Variants in MEIS1 observed in about 807,000 individuals in gnomAD.
The protein encoded by MEIS1 is homeobox protein Meis1.
A neutral mutation model predicts 50.8 loss-of-function variants in MEIS1; 5 were observed. That is an observed-to-expected ratio of 0.10 (90% confidence interval 0.05 to 0.21). The LOEUF (loss-of-function observed/expected upper bound fraction) is 0.21. Among genes scored for constraint, MEIS1 ranks in the 10% least tolerant of loss-of-function variants. The probability of loss-of-function intolerance (pLI) is 1.00; values close to 1 mark genes in which losing one functional copy is unlikely to be tolerated. For missense variants in MEIS1, 318 were observed against 517.3 expected (o/e 0.61, Z 3.74); for synonymous variants, 176 against 179.3 (o/e 0.98, Z 0.15).
intron 7 of MEIS1, among the ~76,000 whole-genome samples, chr2:66,490,000 G>A (rs1179220410): frequency 6.6e-6 from 1 of 152,168 alleles, no homozygotes; most frequent in African/African-American, 2.4e-5. Context: ...AGTTTGGATT[G>A]CATAAAACTG....
chr2:66,520,894 A>G (rs1478731404), intron 8 of MEIS1, among the ~76,000 whole-genome samples: 1 of 152,190 alleles, frequency 6.6e-6, no homozygotes, highest in Non-Finnish European at 1.5e-5. Context: ...TCTGCTTTCC[A>G]CCACGCTGCC....
intron 6 of MEIS1, among the ~76,000 whole-genome samples, chr2:66,461,184 A>C (rs1672510368): frequency 6.6e-6 from 1 of 152,212 alleles, no homozygotes; most frequent in Non-Finnish European, 1.5e-5. Flanking sequence ...ACAGATATGT[A>C]TGCATAATCA....
chr2:66,542,174 A>G (rs1674670675), intron 8 of MEIS1, among the ~76,000 whole-genome samples: 1 of 152,206 alleles, frequency 6.6e-6, no homozygotes, highest in South Asian at 2.1e-4. Context: ...GAGGTCAAAT[A>G]TATAGCTGGT....
rs73937909 is a variant in MEIS1, at chr2:66,436,009, A to T, written c.12+141A>T. On this transcript the variant is annotated intron_variant, in intron 1 of 12. Transcript: ENST00000272369. ...CTAAAGCCGTGGCCTAAGCGAGAGGATTTATTCAATGCATTTGTAGACTTA... is the reference window on the plus strand; with the variant it reads ...CTAAAGCCGTGGCCTAAGCGAGAGGTTTTATTCAATGCATTTGTAGACTTA... 5.6e-3 allele frequency: 3,447 copies of T among 619,964 alleles called. 98 individuals carry two copies. The African/African-American group carries it at 0.059, about 11-fold the overall frequency. 38.4% of individuals were successfully genotyped at this position (619,964 alleles called of 1,614,324 possible).
In MEIS1 at chr2:66,439,709, AG is replaced by A; in HGVS notation, c.240-132del. The A allele has an allele frequency of 1.9e-6, 3 of 1,553,488 alleles. No homozygotes were observed. The South Asian group carries it at 3.5e-5, about 18-fold the overall frequency. On this transcript the variant is annotated intron_variant, in intron 2 of 12. Coordinates refer to ENST00000272369, the MANE Select transcript of MEIS1 (RefSeq NM_002398.3). ...CTGGGTCTGGGGGAGGGGGAGGAAA[AG>A]GAAAAAAGTAGATGACACAATCGGA...
chr2:66,539,734 T>G (rs553764514), intron 8 of MEIS1, among the ~76,000 whole-genome samples: 3 of 152,326 alleles, frequency 2.0e-5, no homozygotes, highest in African/African-American at 7.2e-5. Flanking sequence ...TTATTAATAC[T>G]GCTAAGCTAC....
At position 66,473,378 on chromosome 2, in the gene MEIS1, C is replaced by CAAAAAAAAAA. The variant is rs71409174; in HGVS notation, c.742+9169_742+9178dup. 3.8e-3 allele frequency among the ~76,000 whole-genome samples: 203 copies of CAAAAAAAAAA among 53,916 alleles called. 10 individuals carry two copies. Among genetic ancestry groups the CAAAAAAAAAA allele is most frequent in the African/African-American group, 0.027 (185 of 6,806 alleles). The allele number at this position is 53,916 out of a possible 152,430, so 35.4% of individuals were successfully genotyped here. A position where few individuals can be genotyped will look rare whatever the true frequency, so the allele number is the denominator to read the frequency against. Reference sequence around the variant, plus strand: ...GGGTAACAAGAGTGAGACTCCATGTCAAAAAAAAAAAAAAAAAAAATATAT... The same window carrying CAAAAAAAAAA: ...GGGTAACAAGAGTGAGACTCCATGTCAAAAAAAAAAAAAAAAAAAAAAAAAAAAAATATAT... On this transcript the variant is annotated intron_variant, in intron 7 of 12. Transcript: ENST00000272369.
At chr2:66,480,138 G>C (rs1256345703) in intron 7 of MEIS1, among the ~76,000 whole-genome samples, 2 of 152,096 alleles carry the variant, frequency 1.3e-5, no homozygotes, top group East Asian at 1.9e-4. Flanking sequence ...TAGAAATAAG[G>C]GTCTATATAA....
At chr2:66,488,290 T>A (rs1458512187) in intron 7 of MEIS1, among the ~76,000 whole-genome samples, 1 of 152,228 alleles carries the variant, frequency 6.6e-6, no homozygotes, top group Non-Finnish European at 1.5e-5. Flanking sequence ...AGTTATATCA[T>A]GTATGAGGTC....
At chr2:66,544,896 A>G (rs1324643818) in intron 8 of MEIS1, among the ~76,000 whole-genome samples, 1 of 152,190 alleles carries the variant, frequency 6.6e-6, no homozygotes, top group Admixed American at 6.6e-5. Context: ...TTTGAGAGCC[A>G]TATTACTACC....
chr2:66,497,797 T>C (rs1342188102), intron 7 of MEIS1, among the ~76,000 whole-genome samples: 1 of 152,026 alleles, frequency 6.6e-6, no homozygotes, highest in Non-Finnish European at 1.5e-5. Context: ...AGAGGGTGAG[T>C]TATCATAAAT....
chr2:66,544,909 T>C (rs1011385979), intron 8 of MEIS1, among the ~76,000 whole-genome samples: 1 of 152,176 alleles, frequency 6.6e-6, no homozygotes, highest in Non-Finnish European at 1.5e-5. Context: ...TTACTACCCT[T>C]TGAAGCTCCA....
chr2:66,486,485 G>A (rs1490065344), intron 7 of MEIS1, among the ~76,000 whole-genome samples: 1 of 152,174 alleles, frequency 6.6e-6, no homozygotes, highest in East Asian at 1.9e-4. Flanking sequence ...GTACCATGCT[G>A]TTTTGGTTAC....
intron 1 of MEIS1, among the ~76,000 whole-genome samples, chr2:66,436,677 T>C (rs1671803772): frequency 6.6e-6 from 1 of 152,240 alleles, no homozygotes; most frequent in Admixed American, 6.5e-5. Context: ...CAGGCAAATG[T>C]CAGCGTTCTT....
chr2:66,528,136 C>CT (rs1279115017), intron 8 of MEIS1, among the ~76,000 whole-genome samples: 6 of 152,056 alleles, frequency 3.9e-5, no homozygotes, highest in African/African-American at 1.2e-4. Context: ...TAGAAACATT[C>CT]TTTCAGTTAC....
At chr2:66,545,723 G>A (rs1248729596) in intron 8 of MEIS1, among the ~76,000 whole-genome samples, 1 of 152,134 alleles carries the variant, frequency 6.6e-6, no homozygotes, top group Non-Finnish European at 1.5e-5. Context: ...TTAGGGTAAT[G>A]GATTCCTTTG....
chr2:66,527,794 G>T (rs1366831786), intron 8 of MEIS1, among the ~76,000 whole-genome samples: 2 of 152,092 alleles, frequency 1.3e-5, no homozygotes, highest in South Asian at 4.1e-4. Flanking sequence ...AAACCTGCTT[G>T]TTATGTTACC....
chr2:66,524,569 A>C (rs766166834), intron 8 of MEIS1, among the ~76,000 whole-genome samples: 6 of 152,080 alleles, frequency 3.9e-5, no homozygotes, highest in Admixed American at 2.0e-4. Flanking sequence ...AAAATGAATA[A>C]ATAAATAAAA....
At chr2:66,479,794 A>C (rs1672975581) in intron 7 of MEIS1, among the ~76,000 whole-genome samples, 2 of 152,168 alleles carry the variant, frequency 1.3e-5, no homozygotes, top group Admixed American at 1.3e-4. Flanking sequence ...TCCAGATTTG[A>C]ATCAAGAAGC....
Sources: gnomAD v4.1 joint callset for allele counts (sites outside exome capture counted in the v4.1 genomes callset) on GRCh38, gnomAD v4.1.1 for gene constraint, MANE v1.5 for transcripts, NCBI Gene and HGNC (gene_info 2026-07-23, HGNC 2026-07-21) for gene names.